SPPL3: variants seen among roughly 807,000 people sequenced by gnomAD.
The protein encoded by SPPL3 is signal peptide peptidase-like 3.
A neutral mutation model predicts 42.4 loss-of-function variants in SPPL3; 5 were observed. The ratio of observed to expected loss-of-function variants is 0.12; its 90% confidence interval spans 0.06 to 0.25. SPPL3 has a LOEUF of 0.25. Among genes scored for constraint, SPPL3 ranks in the 10% least tolerant of loss-of-function variants. The pLI, the probability that SPPL3 is intolerant of heterozygous loss-of-function variation, is 1.00. For missense variants in SPPL3, 235 were observed against 489.0 expected (o/e 0.48, Z 4.90); for synonymous variants, 195 against 181.8 (o/e 1.07, Z -0.58).
At chr12:120,781,555 G>GTTTTTTTTTTTTTTTTTTT (rs527339173) in intron 6 of SPPL3, among the ~76,000 whole-genome samples, 1 of 62,994 alleles carries the variant, frequency 1.6e-5, no homozygotes, top group African/African-American at 6.8e-5. Flanking sequence ...TTATTGTTAC[G>GTTTTTTTTTTTTTTTTTTT]TTTTTTTTTT....
intron 1 of SPPL3, among the ~76,000 whole-genome samples, chr12:120,821,587 C>G (rs1871073133): frequency 6.6e-6 from 1 of 152,204 alleles, no homozygotes; most frequent in Admixed American, 6.5e-5. Context: ...TGATCCAAGA[C>G]TGCTTTAGAA....
At chr12:120,879,119 A>AAG (rs1330762315) in intron 1 of SPPL3, among the ~76,000 whole-genome samples, 3 of 127,418 alleles carry the variant, frequency 2.4e-5, no homozygotes, top group African/African-American at 9.5e-5. Context: ...GTCTCAAAAA[A>AAG]AAAAAAAAAA....
intron 1 of SPPL3, among the ~76,000 whole-genome samples, chr12:120,831,867 G>A (rs989354498): frequency 6.6e-6 from 1 of 152,090 alleles, no homozygotes; most frequent in Non-Finnish European, 1.5e-5. Flanking sequence ...CCCACTGAAA[G>A]CCTTTTGTTC....
intron 1 of SPPL3, among the ~76,000 whole-genome samples, chr12:120,879,113 C>CA (rs63543261): frequency 0.1 from 6,622 of 65,004 alleles, 549 homozygotes; most frequent in South Asian, 0.28. Flanking sequence ...AACTCTGTCT[C>CA]AAAAAAAAAA....
intron 3 of SPPL3, among the ~76,000 whole-genome samples, 197 bp from the exon 4 acceptor site, chr12:120,784,790 C>T (rs1407148294): frequency 6.6e-6 from 1 of 152,090 alleles, no homozygotes; most frequent in African/African-American, 2.4e-5. Context: ...CCTTTCATTA[C>T]AGCAGACACT....
At chr12:120,867,756 T>C (rs961900917) in intron 1 of SPPL3, among the ~76,000 whole-genome samples, 1 of 4,776 alleles carries the variant, frequency 2.1e-4, no homozygotes, top group African/African-American at 2.8e-4. Flanking sequence ...AAAAAAAAAT[T>C]TTTTTTTGAG....
chr12:120,827,374 TAAC>T (rs1312142394), intron 1 of SPPL3, among the ~76,000 whole-genome samples: 35 of 148,956 alleles, frequency 2.3e-4, no homozygotes, highest in African/African-American at 5.9e-4. Context: ...ATAATAATAA[TAAC>T]AATAATAATA....
At chr12:120,895,692 C>T (rs1449862870) in intron 1 of SPPL3, among the ~76,000 whole-genome samples, 5 of 152,220 alleles carry the variant, frequency 3.3e-5, no homozygotes, top group Admixed American at 1.3e-4. Context: ...AAACAGCGTG[C>T]TTTCACGGAG....
At chr12:120,859,376 A>T (rs1270992014) in intron 1 of SPPL3, among the ~76,000 whole-genome samples, 2 of 152,228 alleles carry the variant, frequency 1.3e-5, no homozygotes, top group African/African-American at 2.4e-5. Context: ...AGAAAAAATT[A>T]AAAATGCTTA....
chr12:120,864,616 A>AT (rs1872708013), intron 1 of SPPL3, among the ~76,000 whole-genome samples: 1 of 152,198 alleles, frequency 6.6e-6, no homozygotes, highest in South Asian at 2.1e-4. Context: ...CAGTCCTTTC[A>AT]TTTTTTACAA....
chr12:120,868,177 G>A (rs1872813112), intron 1 of SPPL3, among the ~76,000 whole-genome samples: 1 of 151,986 alleles, frequency 6.6e-6, no homozygotes, highest in Non-Finnish European at 1.5e-5. Flanking sequence ...GATCCCTTAA[G>A]CCTGGGAGGT....
intron 6 of SPPL3, among the ~76,000 whole-genome samples, chr12:120,773,559 G>A (rs1316482622): frequency 2.0e-4 from 30 of 152,190 alleles, no homozygotes; most frequent in Admixed American, 2.0e-3. Flanking sequence ...GAACAGAGAA[G>A]CAAGAGGCCA....
At chr12:120,791,918 C>T (rs1402432732) in intron 2 of SPPL3, 3 of 241,990 alleles carry the variant, frequency 1.2e-5, no homozygotes, top group Non-Finnish European at 2.4e-5. Flanking sequence ...AAAAAGGCTG[C>T]ATCAGTTCAC....
intron 1 of SPPL3, among the ~76,000 whole-genome samples, chr12:120,839,573 T>C (rs1038288624): frequency 6.6e-6 from 1 of 152,156 alleles, no homozygotes; most frequent in Non-Finnish European, 1.5e-5. Context: ...TTTAATTCTT[T>C]TTCTTTAAAT....
intron 1 of SPPL3, among the ~76,000 whole-genome samples, chr12:120,889,806 T>G (rs1311568099): frequency 1.3e-5 from 2 of 152,166 alleles, no homozygotes; most frequent in Admixed American, 1.3e-4. Flanking sequence ...GTTATGAAGG[T>G]AGGTCCAGCC....
intron 3 of SPPL3, 34 bp from the exon 4 acceptor site, chr12:120,784,627 T>C (rs141939567): frequency 7.0e-6 from 11 of 1,570,438 alleles, no homozygotes; most frequent in Middle Eastern, 1.7e-4. Flanking sequence ...TAATAACTTA[T>C]TATGCACCAG....
intron 1 of SPPL3, among the ~76,000 whole-genome samples, chr12:120,814,427 T>C (rs139955256): frequency 6.6e-6 from 1 of 152,188 alleles, no homozygotes; most frequent in African/African-American, 2.4e-5. Flanking sequence ...AACCAGATTA[T>C]GTAGACAAGG....
At chr12:120,856,438 A>G (rs1002311293) in intron 1 of SPPL3, among the ~76,000 whole-genome samples, 2 of 150,880 alleles carry the variant, frequency 1.3e-5, no homozygotes, top group African/African-American at 2.4e-5. Context: ...AAGAATACAC[A>G]GAACATGAAC....
chr12:120,890,462 G>A (rs187569600), intron 1 of SPPL3, among the ~76,000 whole-genome samples: 42 of 151,162 alleles, frequency 2.8e-4, no homozygotes, highest in African/African-American at 8.3e-4. Flanking sequence ...GGTGGCAGGC[G>A]CCTATAGTCC....
Sources: allele counts gnomAD v4.1 joint callset (sites outside exome capture counted in the v4.1 genomes callset), GRCh38; gene constraint gnomAD v4.1.1; transcripts MANE v1.5; gene names NCBI Gene and HGNC (gene_info 2026-07-23, HGNC 2026-07-21).